SPAG16: variants seen among roughly 807,000 people sequenced by gnomAD.
SPAG16 encodes sperm associated antigen 16, also known as sperm-associated antigen 16 protein.
Under a neutral mutation model 80.4 loss-of-function variants are expected in SPAG16, and 86 were observed. The observed-to-expected ratio is 1.07, with a 90% CI of 0.90 to 1.28. The LOEUF (loss-of-function observed/expected upper bound fraction) is 1.28. Ranked by LOEUF, SPAG16 falls within the 50% of genes most tolerant of loss-of-function variation. The pLI, the probability that SPAG16 is intolerant of heterozygous loss-of-function variation, is 0.00. For synonymous variants in SPAG16, 294 were observed against 265.9 expected (o/e 1.11, Z -1.03); for missense variants, 870 against 765.3 (o/e 1.14, Z -1.61).
chr2:214,093,442 T>TA (rs1294792357), intron 13 of SPAG16, among the ~76,000 whole-genome samples: 1 of 152,056 alleles, frequency 6.6e-6, no homozygotes, highest in East Asian at 1.9e-4. Flanking sequence ...TATATATATT[T>TA]CACTTGATTA....
Position 213,299,249 on chromosome 2 carries a change from CTT to C in SPAG16, c.279+1893_279+1894del, listed in dbSNP as rs1283329944. Among the ~76,000 whole-genome samples, 4 of 151,098 alleles carry C rather than the reference CTT, an allele frequency of 2.6e-5. No individual in the cohort carries two copies. In the South Asian group the frequency reaches 6.3e-4, roughly 24 times the overall value. On this transcript the variant is annotated intron_variant, in intron 3 of 15. Coordinates refer to ENST00000331683, the MANE Select transcript of SPAG16 (RefSeq NM_024532.5). ...TTGTTAAAATATTAACAAAAAATGA[CTT>C]ATTGCGACTTATTGAATAGTTGACA... is the stretch of plus-strand genomic sequence containing the variant.
At chr2:213,678,337 T>C (rs929655650) in intron 10 of SPAG16, among the ~76,000 whole-genome samples, 1 of 151,924 alleles carries the variant, frequency 6.6e-6, no homozygotes, top group Non-Finnish European at 1.5e-5. Context: ...GGAGCTGGTT[T>C]TTTGAAAGGA....
Position 213,472,540 on chromosome 2 carries a change from A to G in SPAG16, c.943-17423A>G, listed in dbSNP as rs2073137876. ...CTCCAGGGATATGGTATTGTTTTCA[A>G]TTTACTATTTTTCTAGGTAGAGGCA... is the stretch of plus-strand genomic sequence containing the variant. On this transcript the variant is annotated intron_variant, in intron 9 of 15. Transcript: ENST00000331683. Among the ~76,000 whole-genome samples, 3 of 152,070 alleles carry G rather than the reference A, an allele frequency of 2.0e-5. 1 individual carries two copies. Among genetic ancestry groups the G allele is most frequent in the South Asian group, 4.1e-4 (2 of 4,822 alleles).
chr2:214,192,016 T>A (rs1167246119), intron 15 of SPAG16, among the ~76,000 whole-genome samples: 1 of 151,622 alleles, frequency 6.6e-6, no homozygotes, highest in Non-Finnish European at 1.5e-5. Context: ...GACAAAAGAA[T>A]GGATTAGTAA....
intron 13 of SPAG16, among the ~76,000 whole-genome samples, chr2:214,050,207 T>G (rs1340197516): frequency 6.6e-6 from 1 of 151,294 alleles, no homozygotes; most frequent in Non-Finnish European, 1.5e-5. Context: ...GATCAAGAAG[T>G]GAAGGCAAGT....
At chr2:214,352,745 A>T (rs140837086) in intron 15 of SPAG16, among the ~76,000 whole-genome samples, 2 of 151,920 alleles carry the variant, frequency 1.3e-5, no homozygotes, top group South Asian at 2.1e-4. Context: ...TTTTTTATTT[A>T]TATTTTTGCT....
chr2:214,010,956 ATACTT>A (rs2047252524), intron 12 of SPAG16, among the ~76,000 whole-genome samples: 1 of 146,162 alleles, frequency 6.8e-6, no homozygotes, highest in Non-Finnish European at 1.5e-5. Context: ...TTAAAATAAT[ATACTT>A]TAATATTTTT....
intron 10 of SPAG16, among the ~76,000 whole-genome samples, chr2:213,846,140 A>G (rs1364532237): frequency 1.3e-5 from 2 of 152,164 alleles, no homozygotes; most frequent in Non-Finnish European, 2.9e-5. Flanking sequence ...TTTTTAAACT[A>G]CTGTGATTTT....
intron 12 of SPAG16, among the ~76,000 whole-genome samples, chr2:213,958,540 G>A (rs1477475877): frequency 2.0e-5 from 3 of 152,128 alleles, no homozygotes; most frequent in Admixed American, 1.3e-4. Flanking sequence ...ACTTTGAATA[G>A]TATACAAAAA....
At chr2:213,416,767 C>G (rs1244783900) in intron 9 of SPAG16, among the ~76,000 whole-genome samples, 1 of 152,052 alleles carries the variant, frequency 6.6e-6, no homozygotes, top group African/African-American at 2.4e-5. Flanking sequence ...AAGAGAGGAT[C>G]AGGAAAACAA....
chr2:214,029,303 T>G (rs2048293027), intron 13 of SPAG16, among the ~76,000 whole-genome samples: 2 of 151,784 alleles, frequency 1.3e-5, no homozygotes. Flanking sequence ...AAAGAGGGGT[T>G]GGAAAATATA....
At chr2:214,227,598 T>C (rs1036853830) in intron 15 of SPAG16, among the ~76,000 whole-genome samples, 3 of 151,860 alleles carry the variant, frequency 2.0e-5, no homozygotes, top group African/African-American at 7.2e-5. Context: ...CTATAGCAGT[T>C]CTCTCTTTTC....
Position 213,310,195 on chromosome 2 carries a change from T to G in SPAG16, c.398+18T>G. The G allele has an allele frequency of 6.8e-7, 1 of 1,480,336 alleles. No individual in the cohort carries two copies. The highest frequency in any genetic ancestry group is 9.4e-7 in the Non-Finnish European group (1 of 1,067,630). The allele number at this position is 1,480,336 out of a possible 1,614,324, so 91.7% of individuals were successfully genotyped here. A position where few individuals can be genotyped will look rare whatever the true frequency, so the allele number is the denominator to read the frequency against. On this transcript the variant is annotated intron_variant, in intron 4 of 15. Coordinates refer to ENST00000331683, the MANE Select transcript of SPAG16 (RefSeq NM_024532.5). ...TCTGAATGGTAAACAATTATGTAGA[T>G]AAATAGTTCTCTTAAAATTCTAACA...
chr2:213,780,941 A>C (rs543436635), intron 10 of SPAG16, among the ~76,000 whole-genome samples: 180 of 152,282 alleles, frequency 1.2e-3, no homozygotes, highest in African/African-American at 4.0e-3. Flanking sequence ...CATATTCCAC[A>C]TGATACTATT....
chr2:213,479,565 C>A (rs1016573537), intron 9 of SPAG16, among the ~76,000 whole-genome samples: 1 of 151,890 alleles, frequency 6.6e-6, no homozygotes, highest in Admixed American at 6.6e-5. Flanking sequence ...AACGAAAACC[C>A]CAAATATATG....
chr2:214,099,253 A>T (rs750963851), intron 13 of SPAG16, among the ~76,000 whole-genome samples: 64 of 152,114 alleles, frequency 4.2e-4, no homozygotes, highest in Non-Finnish European at 1.3e-4. Flanking sequence ...AAAAATTAAT[A>T]GGTATAACAA....
chr2:213,908,339 C>T (rs1043219493), intron 11 of SPAG16, among the ~76,000 whole-genome samples: 2 of 152,184 alleles, frequency 1.3e-5, no homozygotes, highest in African/African-American at 4.8e-5. Flanking sequence ...TGAACTCCAC[C>T]TGCCCTGTTT....
intron 9 of SPAG16, among the ~76,000 whole-genome samples, chr2:213,381,862 G>C (rs1021079573): frequency 1.3e-5 from 2 of 152,164 alleles, no homozygotes; most frequent in Non-Finnish European, 2.9e-5. Context: ...TGTATCCGCT[G>C]TACCATTTAT....
intron 15 of SPAG16, among the ~76,000 whole-genome samples, chr2:214,214,185 C>CTTTTTTTT (rs71399124): frequency 0.16 from 22,157 of 139,406 alleles, 2,296 homozygotes; most frequent in East Asian, 0.34. Flanking sequence ...TTCCTTTTTA[C>CTTTTTTTT]TTTTTTTTTT....
Sources: gnomAD v4.1 joint callset for allele counts (sites outside exome capture counted in the v4.1 genomes callset) on GRCh38, gnomAD v4.1.1 for gene constraint, MANE v1.5 for transcripts, NCBI Gene and HGNC (gene_info 2026-07-23, HGNC 2026-07-21) for gene names.